Variants in KCNH5 observed in about 807,000 individuals in gnomAD.
KCNH5 encodes the protein voltage-gated delayed rectifier potassium channel KCNH5.
In KCNH5, 46 loss-of-function variants were observed where a neutral mutation model predicts 96.1. The ratio of observed to expected loss-of-function variants is 0.48; its 90% confidence interval spans 0.38 to 0.61. The LOEUF (loss-of-function observed/expected upper bound fraction) is 0.61. KCNH5 is among the 20% of genes least tolerant of loss of function. The pLI is 0.00. For missense variants in KCNH5, 907 were observed against 1,225.8 expected, an observed-to-expected ratio of 0.74 and a Z score of 3.88; for synonymous variants, 439 against 449.8, an observed-to-expected ratio of 0.98 and a Z score of 0.30.
chr14:62,767,179 T>C (rs1399877362), intron 10 of KCNH5, among the ~76,000 whole-genome samples: 3 of 152,084 alleles, frequency 2.0e-5, no homozygotes, highest in Non-Finnish European at 2.9e-5. Flanking sequence ...AACAACAGAT[T>C]CTGTTGAGGA....
At chr14:62,928,867 T>C (rs371827072) in intron 7 of KCNH5, among the ~76,000 whole-genome samples, 74 of 152,062 alleles carry the variant, frequency 4.9e-4, no homozygotes, top group African/African-American at 1.7e-3. Context: ...CAGAGTTTAG[T>C]GCTTAGACCT....
intron 7 of KCNH5, among the ~76,000 whole-genome samples, chr14:62,875,724 T>C (rs964384236): frequency 2.0e-5 from 3 of 152,200 alleles, no homozygotes; most frequent in African/African-American, 7.2e-5. Flanking sequence ...ATTATAAAGA[T>C]ACATGCATGT....
intron 8 of KCNH5, among the ~76,000 whole-genome samples, chr14:62,815,387 A>T (rs1306401219): frequency 6.6e-6 from 1 of 152,284 alleles, no homozygotes; most frequent in South Asian, 2.1e-4. Context: ...AAATTTTATC[A>T]AACTATTTAT....
chr14:62,999,212 T>C (rs1322760999), intron 4 of KCNH5, among the ~76,000 whole-genome samples: 1 of 152,206 alleles, frequency 6.6e-6, no homozygotes, highest in Non-Finnish European at 1.5e-5. Flanking sequence ...TTCCTGACTT[T>C]TTAATGATTG....
chr14:62,883,347 G>A (rs1209863904), intron 7 of KCNH5, among the ~76,000 whole-genome samples: 1 of 152,152 alleles, frequency 6.6e-6, no homozygotes, highest in African/African-American at 2.4e-5. Context: ...CTTAGGAAAT[G>A]CAATGATTTT....
chr14:62,920,819 A>T (rs1889368051), intron 7 of KCNH5, among the ~76,000 whole-genome samples: 1 of 152,202 alleles, frequency 6.6e-6, no homozygotes, highest in Non-Finnish European at 1.5e-5. Context: ...AAATGAAAAT[A>T]GAAACACAGA....
chr14:62,999,869 T>TA lies in KCNH5; in HGVS notation c.433+1461dup, dbSNP rs373750249. ...CCTAAAACTTAAAGTATAATAATAA[T>TA]AAAAAAAAAAGGGAAAAGAAAAAAA... On this transcript the variant is annotated intron_variant, in intron 4 of 10. Transcript: ENST00000322893. 7.9e-3 allele frequency among the ~76,000 whole-genome samples: 944 copies of TA among 120,072 alleles called. 6 individuals carry two copies. The highest frequency in any genetic ancestry group is 0.026 in the African/African-American group (871 of 33,696). The allele number at this position is 120,072 out of a possible 152,430, so 78.8% of individuals were successfully genotyped here.
intron 8 of KCNH5, among the ~76,000 whole-genome samples, chr14:62,846,861 T>C (rs1416975651): frequency 1.5e-5 from 2 of 134,352 alleles, no homozygotes; most frequent in Admixed American, 8.4e-5. Context: ...AGTGCAGTGG[T>C]GCCATCTCAG....
intron 7 of KCNH5, among the ~76,000 whole-genome samples, chr14:62,931,671 A>T (rs149949667): frequency 4.8e-4 from 73 of 152,270 alleles, no homozygotes; most frequent in African/African-American, 1.6e-3. Context: ...TATCCCAGGA[A>T]TTGTCACCAC....
intron 7 of KCNH5, among the ~76,000 whole-genome samples, chr14:62,902,970 G>A (rs995621607): frequency 4.0e-5 from 6 of 151,832 alleles, no homozygotes; most frequent in Admixed American, 6.6e-5. Flanking sequence ...CACCCACCTC[G>A]GCCTCCCCAA....
At chr14:62,750,973 C>A (rs559287064) in intron 10 of KCNH5, among the ~76,000 whole-genome samples, 1 of 151,794 alleles carries the variant, frequency 6.6e-6, no homozygotes, top group African/African-American at 2.4e-5. Context: ...TAAATCCAGA[C>A]GGCTGGAGTA....
At chr14:62,887,900 A>G (rs1440922862) in intron 7 of KCNH5, among the ~76,000 whole-genome samples, 1 of 152,162 alleles carries the variant, frequency 6.6e-6, no homozygotes, top group African/African-American at 2.4e-5. Context: ...GTGTTGAACT[A>G]TGTAGCCTCA....
intron 8 of KCNH5, among the ~76,000 whole-genome samples, chr14:62,825,408 T>A (rs1297337956): frequency 6.7e-6 from 1 of 149,776 alleles, no homozygotes; most frequent in Non-Finnish European, 1.5e-5. Context: ...TTTTTTCATA[T>A]TTTTTTTTGA....
chr14:63,031,517 G>A (rs1891626508), intron 1 of KCNH5, among the ~76,000 whole-genome samples: 1 of 151,964 alleles, frequency 6.6e-6, no homozygotes, highest in African/African-American at 2.4e-5. Context: ...TGATCGGACT[G>A]GTTTTTGTTT....
chr14:62,764,113 GCAATAATC>G (rs1465694224), intron 10 of KCNH5, among the ~76,000 whole-genome samples: 1 of 152,124 alleles, frequency 6.6e-6, no homozygotes, highest in Admixed American at 6.5e-5. Flanking sequence ...GAACAGAGAT[GCAATAATC>G]CTCAACAAAA....
At chr14:62,979,261 C>A (rs1890560626) in intron 6 of KCNH5, among the ~76,000 whole-genome samples, 1 of 151,876 alleles carries the variant, frequency 6.6e-6, no homozygotes, top group African/African-American at 2.4e-5. Context: ...TCAAAATTAA[C>A]TCCTTTAACT....
intron 9 of KCNH5, among the ~76,000 whole-genome samples, chr14:62,794,914 A>G (rs981420151): frequency 6.6e-6 from 1 of 152,090 alleles, no homozygotes; most frequent in Non-Finnish European, 1.5e-5. Context: ...ATTTCCTTCA[A>G]TGAATGTAAT....
chr14:62,980,854 C>A lies in KCNH5; in HGVS notation c.942+18G>T. On this transcript the variant is annotated intron_variant, in intron 6 of 10. Coordinates refer to ENST00000322893, the MANE Select transcript of KCNH5 (RefSeq NM_139318.5). ...TATATGACCCACAGTACTCAGAAAACCAAAACGAAAAACTTACCTCATCCA... is the reference window on the plus strand; with the variant it reads ...TATATGACCCACAGTACTCAGAAAAACAAAACGAAAAACTTACCTCATCCA... The A allele has an allele frequency of 6.2e-7, 1 of 1,610,658 alleles. No individual in the cohort carries two copies. Among genetic ancestry groups the A allele is most frequent in the Middle Eastern group, 1.7e-4 (1 of 6,026 alleles).
intron 8 of KCNH5, among the ~76,000 whole-genome samples, chr14:62,842,830 G>T (rs1434352968): frequency 4.6e-5 from 7 of 152,040 alleles, no homozygotes; most frequent in Non-Finnish European, 1.0e-4. Flanking sequence ...AATAATTAGT[G>T]AATTATTACA....
Sources: gnomAD v4.1 joint callset for allele counts (sites outside exome capture counted in the v4.1 genomes callset) on GRCh38, gnomAD v4.1.1 for gene constraint, MANE v1.5 for transcripts, NCBI Gene and HGNC (gene_info 2026-07-23, HGNC 2026-07-21) for gene names.